NSMCE2: variants seen among roughly 807,000 people sequenced by gnomAD.
The protein encoded by NSMCE2 is NSE2 SUMO ligase component of SMC5/6 complex, also known as E3 SUMO-protein ligase NSE2.
In NSMCE2, 24 loss-of-function variants were observed where a neutral mutation model predicts 23.8. The observed-to-expected ratio is 1.01, with a 90% confidence interval of 0.73 to 1.42. The LOEUF is 1.42. Among genes scored for constraint, NSMCE2 ranks in the 40% most tolerant of loss-of-function variants. NSMCE2 has a pLI of 0.00. For missense variants in NSMCE2, 284 were observed against 296.5 expected (o/e 0.96, Z 0.31); for synonymous variants, 92 against 94.1 (o/e 0.98, Z 0.13).
At chr8:125,285,987 C>T (rs1188289762) in intron 5 of NSMCE2, among the ~76,000 whole-genome samples, 1 of 151,954 alleles carries the variant, frequency 6.6e-6, no homozygotes, top group African/African-American at 2.4e-5. Flanking sequence ...CTTGGAATCC[C>T]ATTTTTACAG....
At chr8:125,255,641 C>T (rs905870402) in intron 5 of NSMCE2, among the ~76,000 whole-genome samples, 3 of 152,168 alleles carry the variant, frequency 2.0e-5, no homozygotes, top group Non-Finnish European at 4.4e-5. Context: ...ATAGGAAGTA[C>T]TAATTATGTA....
At position 125,102,400 on chromosome 8, in the gene NSMCE2, C is replaced by T; in HGVS notation, c.70C>T (p.Leu24Phe). Residue 24 changes from leucine (L) to phenylalanine (F), a missense_variant, in exon 3 of 8, where the codon CTC becomes TTC. By Grantham distance (22) the Leu-to-Phe change is conservative. Around this residue, in one of 2 missense-constraint regions of NSMCE2, gnomAD observed 182 missense variants for 155.5 expected, o/e 1.17. Coordinates refer to ENST00000287437, the MANE Select transcript of NSMCE2 (RefSeq NM_173685.4). The stretch of plus-strand genomic sequence containing the variant: ...CTCCTTCAGTGGTGTAGAGTCTGCT[C>T]TCTCCTCCTTGAAAAACTTCCAAGC... ...FISFSGVESA[L>F]SSLKNFQACI... is the part of the protein sequence containing the mutation. 6.2e-7 allele frequency: 1 copy of T among 1,613,122 alleles called. No individual in the cohort carries two copies. The highest frequency in any genetic ancestry group is 8.5e-7 in the Non-Finnish European group (1 of 1,179,122).
At chr8:125,123,580 A>T (rs1819368794) in intron 3 of NSMCE2, among the ~76,000 whole-genome samples, 1 of 152,278 alleles carries the variant, frequency 6.6e-6, no homozygotes, top group Non-Finnish European at 1.5e-5. Flanking sequence ...GTGCTAACCC[A>T]CATGTGTACA....
At chr8:125,185,337 C>T (rs907492848) in intron 5 of NSMCE2, among the ~76,000 whole-genome samples, 2 of 151,774 alleles carry the variant, frequency 1.3e-5, no homozygotes, top group African/African-American at 2.4e-5. Context: ...GACAGAGTCT[C>T]GCTTTGTTAC....
chr8:125,274,996 G>GATA (rs1173222323), intron 5 of NSMCE2, among the ~76,000 whole-genome samples: 1 of 43,096 alleles, frequency 2.3e-5, no homozygotes, highest in African/African-American at 6.5e-5. Flanking sequence ...ACAATCTGAA[G>GATA]ATGATAATAA....
At chr8:125,289,747 T>G (rs538192043) in intron 5 of NSMCE2, among the ~76,000 whole-genome samples, 3 of 152,216 alleles carry the variant, frequency 2.0e-5, no homozygotes, top group East Asian at 3.8e-4. Context: ...TAGGTTTTCT[T>G]TCTTGAGTAG....
chr8:125,173,101 C>G (rs1172918138), intron 4 of NSMCE2, among the ~76,000 whole-genome samples: 1 of 152,318 alleles, frequency 6.6e-6, no homozygotes, highest in Non-Finnish European at 1.5e-5. Context: ...CCTTGATAAT[C>G]AAGATTCATT....
chr8:125,158,971 G>A (rs559947622), intron 4 of NSMCE2, among the ~76,000 whole-genome samples: 2 of 152,270 alleles, frequency 1.3e-5, no homozygotes, highest in East Asian at 3.9e-4. Flanking sequence ...GTTATCTGTG[G>A]CCATCTCTGG....
intron 5 of NSMCE2, among the ~76,000 whole-genome samples, chr8:125,251,942 A>G (rs1826213961): frequency 6.6e-6 from 1 of 152,164 alleles, no homozygotes; most frequent in South Asian, 2.1e-4. Flanking sequence ...TTAGGGTTAG[A>G]CTTTTTAACA....
intron 4 of NSMCE2, among the ~76,000 whole-genome samples, chr8:125,172,808 C>T (rs944117745): frequency 2.0e-5 from 3 of 152,226 alleles, no homozygotes; most frequent in Non-Finnish European, 4.4e-5. Flanking sequence ...TAATTCCCTT[C>T]CTCCACTACT....
chr8:125,187,878 A>G (rs777312271), intron 5 of NSMCE2, among the ~76,000 whole-genome samples: 2 of 152,196 alleles, frequency 1.3e-5, no homozygotes, highest in Admixed American at 6.5e-5. Flanking sequence ...AACGTATCAT[A>G]TTATCTTTTA....
chr8:125,133,782 CA>C (rs752957798), intron 3 of NSMCE2, among the ~76,000 whole-genome samples: 2 of 145,584 alleles, frequency 1.4e-5, no homozygotes, highest in Admixed American at 6.7e-5. Context: ...AAAACCAAAA[CA>C]AAAAAAAAGA....
chr8:125,195,198 CTG>C (rs1275763791), intron 5 of NSMCE2, among the ~76,000 whole-genome samples: 1 of 152,056 alleles, frequency 6.6e-6, no homozygotes, highest in East Asian at 1.9e-4. Context: ...TCAATATCAA[CTG>C]TGAACATTAA....
intron 1 of NSMCE2, among the ~76,000 whole-genome samples, chr8:125,093,833 A>G (rs1817798111): frequency 6.6e-6 from 1 of 152,190 alleles, no homozygotes; most frequent in Admixed American, 6.5e-5. Context: ...TCTCACTCTT[A>G]TCGTCCAGGC....
intron 5 of NSMCE2, among the ~76,000 whole-genome samples, chr8:125,221,921 G>A (rs1824878435): frequency 6.6e-6 from 1 of 152,144 alleles, no homozygotes; most frequent in South Asian, 2.1e-4. Context: ...TGATGTGAAA[G>A]TCTTCACACA....
chr8:125,211,218 G>A (rs1824325523), intron 5 of NSMCE2, among the ~76,000 whole-genome samples: 1 of 152,088 alleles, frequency 6.6e-6, no homozygotes, highest in African/African-American at 2.4e-5. Context: ...CATGCACATA[G>A]TACAAACTTC....
intron 5 of NSMCE2, among the ~76,000 whole-genome samples, chr8:125,250,763 A>G (rs925280466): frequency 1.3e-5 from 2 of 151,942 alleles, no homozygotes; most frequent in Admixed American, 6.5e-5. Context: ...AGATCCTCCA[A>G]CCTCAGCCTC....
At chr8:125,202,125 C>T (rs1234589398) in intron 5 of NSMCE2, among the ~76,000 whole-genome samples, 1 of 152,236 alleles carries the variant, frequency 6.6e-6, no homozygotes, top group African/African-American at 2.4e-5. Context: ...TCTGTCACGG[C>T]TTCCCTTGGC....
intron 5 of NSMCE2, among the ~76,000 whole-genome samples, chr8:125,316,173 T>C (rs1030795782): frequency 6.6e-6 from 1 of 152,202 alleles, no homozygotes; most frequent in African/African-American, 2.4e-5. Context: ...GTGAATAGCA[T>C]GTCTTCTTTT....
Sources: allele counts gnomAD v4.1 joint callset (sites outside exome capture counted in the v4.1 genomes callset), GRCh38; gene constraint gnomAD v4.1.1; regional missense constraint gnomAD v4.1.1; transcripts MANE v1.5; gene names NCBI Gene and HGNC (gene_info 2026-07-23, HGNC 2026-07-21).